The following ADARB2 variants were observed in gnomAD, a reference collection of about 807,000 sequenced individuals.
The protein encoded by ADARB2 is inactive double-stranded RNA-specific editase B2.
ADARB2 carries 25 observed loss-of-function variants against 62.2 expected under a neutral mutation model. The ratio of observed to expected loss-of-function variants is 0.40; its 90% CI spans 0.29 to 0.56. The LOEUF is 0.56. ADARB2 is among the 20% of genes least tolerant of loss of function. The pLI, the probability that ADARB2 is intolerant of heterozygous loss-of-function variation, is 0.43. For missense variants in ADARB2, 1,071 were observed against 1,077.4 expected (o/e 0.99, Z 0.08); for synonymous variants, 572 against 500.8 (o/e 1.14, Z -1.90).
chr10:1,362,985 C>G lies in ADARB2; in HGVS notation c.1077+43G>C, dbSNP rs1832274449. Reference sequence around the variant, plus strand: ...GGAAAGGTCGGGGTCTCCCCCGCGCCCCCAGCGCCGCCCGTTCCCCCTGCA... The same window carrying G: ...GGAAAGGTCGGGGTCTCCCCCGCGCGCCCAGCGCCGCCCGTTCCCCCTGCA... On this transcript the variant is annotated intron_variant, in intron 3 of 9. Transcript: ENST00000381312. 4 of 1,285,732 alleles carry G rather than the reference C, an allele frequency of 3.1e-6. No individual in the cohort carries two copies. In the South Asian group the frequency reaches 9.5e-5, roughly 30 times the overall value. The allele number at this position is 1,285,732 out of a possible 1,614,324, so 79.6% of individuals were successfully genotyped here.
At chr10:1,690,831 G>A (rs1014976347) in intron 1 of ADARB2, among the ~76,000 whole-genome samples, 16 of 152,126 alleles carry the variant, frequency 1.1e-4, no homozygotes, top group Admixed American at 9.2e-4. Context: ...GGGTCTCCCC[G>A]ATCCTCCTCC....
chr10:1,554,851 G>A (rs1832677520), intron 1 of ADARB2, among the ~76,000 whole-genome samples: 1 of 152,130 alleles, frequency 6.6e-6, no homozygotes, highest in Non-Finnish European at 1.5e-5. Flanking sequence ...GCCCCAGGTA[G>A]TGAGCATAGA....
intron 1 of ADARB2, among the ~76,000 whole-genome samples, chr10:1,473,132 C>T (rs892222551): frequency 6.6e-6 from 1 of 152,154 alleles, no homozygotes; most frequent in Non-Finnish European, 1.5e-5. Flanking sequence ...TCAAACCACG[C>T]ACCCGTCCTT....
intron 1 of ADARB2, among the ~76,000 whole-genome samples, chr10:1,552,267 G>A (rs537031059): frequency 2.4e-4 from 36 of 152,364 alleles, no homozygotes; most frequent in Non-Finnish European, 4.0e-4. Flanking sequence ...GGCCTGTGCC[G>A]TGTAAGTGGA....
intron 1 of ADARB2, among the ~76,000 whole-genome samples, chr10:1,404,069 C>T (rs576591356): frequency 1.8e-4 from 28 of 152,348 alleles, no homozygotes; most frequent in Middle Eastern, 3.4e-3. Context: ...TCTGTGTCCC[C>T]ACAGCTGGAA....
intron 6 of ADARB2, among the ~76,000 whole-genome samples, chr10:1,231,857 C>G (rs1830806999): frequency 1.3e-5 from 2 of 152,142 alleles, no homozygotes; most frequent in Admixed American, 1.3e-4. Flanking sequence ...GGGCCAGCAT[C>G]CCATGTGAGG....
At chr10:1,291,631 G>A (rs1359559844) in intron 3 of ADARB2, 1 of 152,224 alleles carries the variant, frequency 6.6e-6, no homozygotes, top group Non-Finnish European at 1.5e-5. Flanking sequence ...AGGTCCCAGA[G>A]CTCCAAGAAA....
chr10:1,372,397 A>G (rs898469216), intron 2 of ADARB2, among the ~76,000 whole-genome samples: 2 of 152,208 alleles, frequency 1.3e-5, no homozygotes, highest in African/African-American at 2.4e-5. Flanking sequence ...TAGCAGCCCA[A>G]TCCCCACCAG....
At chr10:1,479,905 A>G (rs542517231) in intron 1 of ADARB2, among the ~76,000 whole-genome samples, 1 of 152,288 alleles carries the variant, frequency 6.6e-6, no homozygotes, top group South Asian at 2.1e-4. Flanking sequence ...GGGGCCCTCC[A>G]TAGACGTGCT....
chr10:1,697,097 CATTTCTGT>C (rs1200874165), intron 1 of ADARB2, among the ~76,000 whole-genome samples: 1 of 152,036 alleles, frequency 6.6e-6, no homozygotes, highest in Non-Finnish European at 1.5e-5. Context: ...TAAAGGTTTT[CATTTCTGT>C]TTCTTCTCTT....
At chr10:1,576,012 C>T (rs1833009166) in intron 1 of ADARB2, among the ~76,000 whole-genome samples, 1 of 59,330 alleles carries the variant, frequency 1.7e-5, no homozygotes, top group Non-Finnish European at 3.5e-5. Flanking sequence ...GTTCAGGATC[C>T]ATGGGAGGGG....
chr10:1,678,280 T>G (rs989412812), intron 1 of ADARB2: 2 of 984,906 alleles, frequency 2.0e-6, no homozygotes, highest in Non-Finnish European at 2.4e-6. Flanking sequence ...GACCTCGGGG[T>G]GAGCGTCCTC....
chr10:1,520,669 C>G (rs543655251), intron 1 of ADARB2, among the ~76,000 whole-genome samples: 6 of 152,146 alleles, frequency 3.9e-5, no homozygotes, highest in Non-Finnish European at 7.4e-5. Flanking sequence ...TGCTGTTTGG[C>G]CAAAATGGCT....
intron 1 of ADARB2, among the ~76,000 whole-genome samples, chr10:1,381,016 A>T (rs2131860949): frequency 6.6e-6 from 1 of 152,380 alleles, no homozygotes; most frequent in East Asian, 1.9e-4. Flanking sequence ...ATTGTTTTAG[A>T]TCCATCAAAG....
intron 3 of ADARB2, among the ~76,000 whole-genome samples, chr10:1,293,310 AGG>A (rs1831494235): frequency 2.3e-5 from 1 of 43,084 alleles, no homozygotes; most frequent in Non-Finnish European, 4.5e-5. Flanking sequence ...GGGAAGAGAG[AGG>A]GGAGGGAGGT....
chr10:1,377,036 G>A (rs1460726622), intron 2 of ADARB2, among the ~76,000 whole-genome samples: 3 of 146,164 alleles, frequency 2.1e-5, no homozygotes, highest in Admixed American at 6.8e-5. Flanking sequence ...TGGGGTGTGT[G>A]TGTGCGCATG....
chr10:1,309,832 C>T (rs1448075032), intron 3 of ADARB2, among the ~76,000 whole-genome samples: 1 of 152,162 alleles, frequency 6.6e-6, no homozygotes, highest in African/African-American at 2.4e-5. Context: ...TGCTGCTCTC[C>T]CGGCCCCTAT....
At chr10:1,427,459 A>G (rs1832902078) in intron 1 of ADARB2, among the ~76,000 whole-genome samples, 1 of 152,276 alleles carries the variant, frequency 6.6e-6, no homozygotes, top group Non-Finnish European at 1.5e-5. Context: ...GTTGGCAAAT[A>G]GGCATATGAA....
intron 1 of ADARB2, among the ~76,000 whole-genome samples, chr10:1,499,880 C>A (rs115121569): frequency 3.0e-4 from 45 of 152,212 alleles, no homozygotes; most frequent in African/African-American, 1.1e-3. Context: ...TTAGTCATTA[C>A]TCACTTATCT....
Sources: gnomAD v4.1 joint callset for allele counts (sites outside exome capture counted in the v4.1 genomes callset) on GRCh38, gnomAD v4.1.1 for gene constraint, MANE v1.5 for transcripts, NCBI Gene and HGNC (gene_info 2026-07-23, HGNC 2026-07-21) for gene names.